Variants in RPH3AL observed in about 807,000 individuals in gnomAD.
The protein encoded by RPH3AL is rabphilin 3A like (without C2 domains).
Under a neutral mutation model 43.1 loss-of-function variants are expected in RPH3AL, and 38 were observed. The observed-to-expected ratio is 0.88, with a 90% CI of 0.68 to 1.15. The LOEUF is 1.15. Ranked by LOEUF, RPH3AL falls within the 50% of genes most tolerant of loss-of-function variation. The pLI is 0.00. For missense variants in RPH3AL, 462 were observed against 423.2 expected (o/e 1.09, Z -0.81); for synonymous variants, 189 against 176.3 (o/e 1.07, Z -0.57).
At chr17:342,203 A>G (rs1483699706) in intron 1 of RPH3AL, among the ~76,000 whole-genome samples, 2 of 152,224 alleles carry the variant, frequency 1.3e-5, no homozygotes, top group Admixed American at 6.5e-5. Flanking sequence ...AAAAAATATG[A>G]AAAATAACAA....
chr17:253,643 G>A (rs1167415235), intron 6 of RPH3AL, among the ~76,000 whole-genome samples: 1 of 152,098 alleles, frequency 6.6e-6, no homozygotes, highest in African/African-American at 2.4e-5. Context: ...CCTGGCCCCT[G>A]GCCACCCCAG....
At chr17:319,657 T>C in intron 4 of RPH3AL, 108 bp from the exon 5 acceptor site, 1 of 1,359,628 alleles carries the variant, frequency 7.4e-7, no homozygotes, top group South Asian at 1.3e-5. Flanking sequence ...TCACCTGGGA[T>C]ATTGTTCCTT....
At chr17:277,349 T>C (rs2042677935) in intron 6 of RPH3AL, among the ~76,000 whole-genome samples, 1 of 152,226 alleles carries the variant, frequency 6.6e-6, no homozygotes, top group Non-Finnish European at 1.5e-5. Flanking sequence ...TTGGAAGGTG[T>C]TTATTTATTT....
At chr17:315,136 C>A (rs1276629067) in intron 5 of RPH3AL, among the ~76,000 whole-genome samples, 9 of 145,488 alleles carry the variant, frequency 6.2e-5, no homozygotes, top group Non-Finnish European at 1.2e-4. Flanking sequence ...TCTCTGTGCT[C>A]CACCTCCATT....
intron 3 of RPH3AL, 187 bp from the exon 4 acceptor site, chr17:321,602 ACGGCCCAGG>A (rs2044478424): frequency 1.8e-5 from 9 of 495,776 alleles, no homozygotes; most frequent in Admixed American, 1.2e-4. Flanking sequence ...GGCAACAGAG[ACGGCCCAGG>A]TGGCAACAGA....
At chr17:243,898 T>TATTACCTTCCTCTATTG (rs1439149773) in intron 7 of RPH3AL, among the ~76,000 whole-genome samples, 2 of 150,070 alleles carry the variant, frequency 1.3e-5, no homozygotes, top group Non-Finnish European at 3.0e-5. Flanking sequence ...ACACTTCCTC[T>TATTACCTTCCTCTATTG]ATTACCTTCC....
chr17:246,047 C>T lies in RPH3AL; in HGVS notation c.613+1064G>A, dbSNP rs577666103. Among the ~76,000 whole-genome samples, 13 of 152,300 alleles carry T rather than the reference C, an allele frequency of 8.5e-5. No individual in the cohort carries two copies. In the South Asian group the frequency reaches 1.0e-3, roughly 12 times the overall value. ...GATGCCGACCTACCTGGCAGGTCCA[C>T]GTATGGGGGATTTATACCTTCTACA... On this transcript the variant is annotated intron_variant, in intron 7 of 9. Coordinates refer to ENST00000331302, the MANE Select transcript of RPH3AL (RefSeq NM_006987.4). This position sits in a 1 kb window ranked among gnomAD's most constrained non-coding sequence, Gnocchi z 4.8.
At chr17:235,823 C>G (rs374539812) in intron 7 of RPH3AL, among the ~76,000 whole-genome samples, 1,738 of 84,724 alleles carry the variant, frequency 0.021, no homozygotes, top group Middle Eastern at 0.046. Context: ...TGGGGTCGGC[C>G]GAGGCTCTAC....
intron 6 of RPH3AL, among the ~76,000 whole-genome samples, chr17:258,548 TCCTCCCCAGCTGCCCTG>T (rs1479305507): frequency 2.0e-5 from 3 of 152,092 alleles, no homozygotes; most frequent in African/African-American, 7.2e-5. Context: ...TCCCAGCCTC[TCCTCCCCAGCTGCCCTG>T]CCTCCCCTGG....
Position 246,260 on chromosome 17 carries a change from T to C in RPH3AL, c.613+851A>G, listed in dbSNP as rs2041762492. ...GGTCCACTTCCTCCAAGACGAGCCA[T>C]GATCCGAACGAGCCTCCCTCACCCC... On this transcript the variant is annotated intron_variant, in intron 7 of 9. Coordinates refer to ENST00000331302, the MANE Select transcript of RPH3AL (RefSeq NM_006987.4). The surrounding 1 kb of genome is among the most constrained non-coding windows in gnomAD (Gnocchi z 4.8). 6.6e-6 allele frequency among the ~76,000 whole-genome samples: 1 copy of C among 152,084 alleles called. No individual in the cohort carries two copies. Among genetic ancestry groups the C allele is most frequent in the Non-Finnish European group, 1.5e-5 (1 of 68,006 alleles).
chr17:242,265 A>AC lies in RPH3AL; in HGVS notation c.613+4845_613+4846insG, dbSNP rs1188565208. ...TATTCATGATTACCTTCCTCTATTG[A>AC]TTACCTTCCTCTATTGACTACCTTC... On this transcript the variant is annotated intron_variant, in intron 7 of 9. Transcript: ENST00000331302. 3.3e-4 allele frequency among the ~76,000 whole-genome samples: 43 copies of AC among 131,346 alleles called. 1 individual carries two copies. The highest frequency in any genetic ancestry group is 9.7e-4 in the African/African-American group (35 of 36,180). The allele number at this position is 131,346 out of a possible 152,430, so 86.2% of individuals were successfully genotyped here.
chr17:217,251 C>G (rs112930347), intron 8 of RPH3AL, among the ~76,000 whole-genome samples: 95 of 129,112 alleles, frequency 7.4e-4, no homozygotes, highest in African/African-American at 1.6e-3. Context: ...ATTATGGAGC[C>G]CTTTCTTCTT....
rs1424914367 is a variant in RPH3AL at position 333,332 on chromosome 17, T to C, written c.-37+427A>G. 4 of 1,270,390 alleles carry C rather than the reference T, an allele frequency of 3.1e-6. No homozygotes were observed. The highest frequency in any genetic ancestry group is 1.1e-4 in the East Asian group (2 of 17,730). The allele number at this position is 1,270,390 out of a possible 1,614,324, so 78.7% of individuals were successfully genotyped here. A position where few individuals can be genotyped will look rare whatever the true frequency, so the allele number is the denominator to read the frequency against. ...ATTTTATCCTAAAGAGAAAACACCTTAAATTCTCACATCAGCCACCCCCAT... is the reference window on the plus strand; with the variant it reads ...ATTTTATCCTAAAGAGAAAACACCTCAAATTCTCACATCAGCCACCCCCAT... On this transcript the variant is annotated intron_variant, in intron 2 of 9. Transcript: ENST00000331302. This position sits in a 1 kb window ranked among gnomAD's most constrained non-coding sequence, Gnocchi z 4.5.
chr17:312,196 G>A (rs1598070905), intron 5 of RPH3AL, among the ~76,000 whole-genome samples: 2 of 152,172 alleles, frequency 1.3e-5, no homozygotes, highest in African/African-American at 4.8e-5. Context: ...AGCTGCCCGG[G>A]AAGCTGGGGT....
At chr17:336,768 C>G (rs1235422746) in intron 1 of RPH3AL, among the ~76,000 whole-genome samples, 1 of 152,196 alleles carries the variant, frequency 6.6e-6, no homozygotes. Flanking sequence ...GCCAGCCACC[C>G]CTCTGCAAAA....
At chr17:315,193 TGCTCCACCTCC>T (rs2043925981) in intron 5 of RPH3AL, among the ~76,000 whole-genome samples, 1 of 114,148 alleles carries the variant, frequency 8.8e-6, no homozygotes, top group African/African-American at 3.4e-5. Flanking sequence ...GTAGTCCCTG[TGCTCCACCTCC>T]ATTCACCTGT....
At position 346,976 on chromosome 17, in the gene RPH3AL, C is replaced by T. The variant is rs776402957; in HGVS notation, c.-213+5736G>A. On this transcript the variant is annotated intron_variant, in intron 1 of 9. Transcript: ENST00000331302. The stretch of plus-strand genomic sequence containing the variant: ...CTCAAACACTGTAAAATGGCCCAGC[C>T]GGCCAGGCGCGGTGGCTCACGCCTG... Among the ~76,000 whole-genome samples, 24 of 135,448 alleles carry T rather than the reference C, an allele frequency of 1.8e-4. 5 individuals are homozygous for T. The highest frequency in any genetic ancestry group is 3.5e-4 in the Non-Finnish European group (21 of 59,420). The allele number at this position is 135,448 out of a possible 152,430, so 88.9% of individuals were successfully genotyped here.
intron 6 of RPH3AL, 72 bp from the exon 7 acceptor site, chr17:247,357 G>C (rs1425779399): frequency 7.0e-7 from 1 of 1,438,302 alleles, no homozygotes; most frequent in Non-Finnish European, 9.2e-7. Flanking sequence ...TTGCCCAGAT[G>C]ACGGGAGGCA....
At chr17:316,928 T>C (rs2044252160) in intron 5 of RPH3AL, among the ~76,000 whole-genome samples, 1 of 149,720 alleles carries the variant, frequency 6.7e-6, no homozygotes, top group Non-Finnish European at 1.5e-5. Flanking sequence ...CTGTAGTCTC[T>C]GTGCTCCACC....
Sources: gnomAD v4.1 joint callset for allele counts (sites outside exome capture counted in the v4.1 genomes callset) on GRCh38, gnomAD v4.1.1 for gene constraint, Gnocchi (gnomAD v3.1) non-coding constraint, MANE v1.5 for transcripts, NCBI Gene and HGNC (gene_info 2026-07-23, HGNC 2026-07-21) for gene names.